Variants in GPR176 observed in about 807,000 individuals in gnomAD.
The protein encoded by GPR176 is G protein-coupled receptor 176.
In GPR176, 26 loss-of-function variants were observed where a neutral mutation model predicts 35.4. That is an observed-to-expected ratio of 0.74 (90% confidence interval 0.54 to 1.02). The LOEUF (loss-of-function observed/expected upper bound fraction) is 1.02, where lower values mean the gene tolerates loss of function less well. GPR176 is among the 50% of genes least tolerant of loss of function. The pLI, the probability that GPR176 is intolerant of heterozygous loss-of-function variation, is 0.00. For missense variants in GPR176, 597 were observed against 665.3 expected (o/e 0.90, Z 1.13); for synonymous variants, 278 against 271.3 (o/e 1.02, Z -0.24).
chr15:39,914,309 C>CTTT (rs5812146), intron 1 of GPR176, among the ~76,000 whole-genome samples: 6 of 71,154 alleles, frequency 8.4e-5, no homozygotes, highest in Admixed American at 1.8e-4. Flanking sequence ...ATATCTTATT[C>CTTT]TTTTTTTTTT....
chr15:39,833,493 G>A (rs1369806346), intron 1 of GPR176, among the ~76,000 whole-genome samples: 1 of 152,126 alleles, frequency 6.6e-6, no homozygotes, highest in Non-Finnish European at 1.5e-5. Context: ...TTAGGGCTGA[G>A]GGCGAAGGGA....
Position 39,881,387 on chromosome 15 carries a change from T to C in GPR176, c.172+38468A>G, listed in dbSNP as rs2032469203. Among the ~76,000 whole-genome samples the C allele has an allele frequency of 2.6e-5, 4 of 152,368 alleles. No homozygotes were observed. The South Asian group carries it at 8.3e-4, about 32-fold the overall frequency. ...TTAAAAGGCATGACTGTCTACCTAC[T>C]ACCTACTATGTCACTAAAGGACCTA... On this transcript the variant is annotated intron_variant, in intron 1 of 2. Coordinates refer to ENST00000561100, the MANE Select transcript of GPR176 (RefSeq NM_007223.3).
At chr15:39,893,104 TTAAA>T (rs1177962627) in intron 1 of GPR176, among the ~76,000 whole-genome samples, 1 of 151,994 alleles carries the variant, frequency 6.6e-6, no homozygotes, top group Non-Finnish European at 1.5e-5. Context: ...TCTTTTTTTT[TTAAA>T]TTTATTTATT....
chr15:39,801,326 G>T lies in GPR176; in HGVS notation c.1354C>A (p.Gln452Lys). 1 of 1,614,088 alleles carries T rather than the reference G, an allele frequency of 6.2e-7. No homozygotes were observed. The highest frequency in any genetic ancestry group is 8.5e-7 in the Non-Finnish European group (1 of 1,179,940). ...AACTCAAAAGGCCCAAAGCCAAACTGCAGGGAATACTTATCAGGGAATGTT... is the reference window on the plus strand; with the variant it reads ...AACTCAAAAGGCCCAAAGCCAAACTTCAGGGAATACTTATCAGGGAATGTT... The part of the protein sequence containing the change: ...PETFPDKYSL[Q>K]FGFGPFELPP... The change falls in exon 3 of 3, where the codon CAG (glutamine) becomes AAG (lysine). Residue 452 changes from glutamine to lysine, a missense_variant. Transcript: ENST00000561100.
intron 1 of GPR176, among the ~76,000 whole-genome samples, chr15:39,910,557 C>T (rs765173649): frequency 2.0e-5 from 3 of 149,410 alleles, no homozygotes; most frequent in Non-Finnish European, 4.4e-5. Flanking sequence ...AACCGCATCT[C>T]AAAAAGAAAA....
intron 2 of GPR176, among the ~76,000 whole-genome samples, chr15:39,806,389 T>A (rs1320471436): frequency 2.0e-5 from 3 of 152,236 alleles, no homozygotes; most frequent in African/African-American, 7.2e-5. Flanking sequence ...GATTATGAGA[T>A]CTTTATGCAA....
At chr15:39,896,346 G>C (rs2033113092) in intron 1 of GPR176, among the ~76,000 whole-genome samples, 1 of 152,186 alleles carries the variant, frequency 6.6e-6, no homozygotes, top group East Asian at 1.9e-4. Context: ...CCTGTGCTGG[G>C]ATTAAAGGTG....
intron 1 of GPR176, among the ~76,000 whole-genome samples, chr15:39,868,558 A>C (rs550697282): frequency 2.4e-4 from 36 of 152,318 alleles, no homozygotes; most frequent in Non-Finnish European, 3.7e-4. Context: ...CAAAGAGGTC[A>C]CTCAAAGACA....
intron 1 of GPR176, among the ~76,000 whole-genome samples, chr15:39,897,223 C>T (rs1206355735): frequency 6.6e-6 from 1 of 152,200 alleles, no homozygotes; most frequent in Non-Finnish European, 1.5e-5. Context: ...CTTAATGAAG[C>T]TGGCAATTCT....
At position 39,801,080 on chromosome 15, in the gene GPR176, T is replaced by A. The variant is rs966373350; in HGVS notation, c.*52A>T. 1.4e-6 allele frequency: 2 copies of A among 1,450,660 alleles called. No homozygotes were observed. The highest frequency in any genetic ancestry group is 9.4e-7 in the Non-Finnish European group (1 of 1,062,158). 89.9% of individuals were successfully genotyped at this position (1,450,660 alleles called of 1,614,324 possible). The stretch of plus-strand genomic sequence containing the variant: ...TCACATGGCCACAGCATTCCCACAC[T>A]CTGGTGGGAATATGGAAGCTCCCCG... On this transcript the variant is annotated 3_prime_UTR_variant, in exon 3 of 3. Coordinates refer to ENST00000561100, the MANE Select transcript of GPR176 (RefSeq NM_007223.3).
intron 1 of GPR176, among the ~76,000 whole-genome samples, chr15:39,903,288 T>C (rs1303890102): frequency 6.6e-6 from 1 of 152,214 alleles, no homozygotes; most frequent in Non-Finnish European, 1.5e-5. Context: ...GAACTTTGTT[T>C]GGAGAAGGCA....
chr15:39,839,483 T>C (rs1387851824), intron 1 of GPR176, among the ~76,000 whole-genome samples: 1 of 152,206 alleles, frequency 6.6e-6, no homozygotes, highest in Non-Finnish European at 1.5e-5. Flanking sequence ...TAATTCAAGA[T>C]GGATTAAAGG....
chr15:39,834,329 C>CCAATAA (rs1232793701), intron 1 of GPR176, among the ~76,000 whole-genome samples: 2 of 152,034 alleles, frequency 1.3e-5, no homozygotes, highest in Non-Finnish European at 2.9e-5. Flanking sequence ...GAGAAAGAAG[C>CCAATAA]CAATCAATTA....
chr15:39,828,947 T>C, intron 1 of GPR176: 1 of 626,466 alleles, frequency 1.6e-6, no homozygotes, highest in South Asian at 1.7e-5. Context: ...AGAATGATAC[T>C]ACTAGCCAGA....
At chr15:39,904,949 G>A (rs529686801) in intron 1 of GPR176, among the ~76,000 whole-genome samples, 3 of 152,196 alleles carry the variant, frequency 2.0e-5, no homozygotes, top group African/African-American at 4.8e-5. Flanking sequence ...CAACAGCCCA[G>A]AGTATGAAGC....
At chr15:39,918,974 G>A (rs148527115) in intron 1 of GPR176, among the ~76,000 whole-genome samples, 2 of 152,320 alleles carry the variant, frequency 1.3e-5, no homozygotes, top group South Asian at 2.1e-4. Context: ...CGGGGACACA[G>A]GAAAGGAAGC....
intron 1 of GPR176, among the ~76,000 whole-genome samples, chr15:39,808,436 G>A (rs938671343): frequency 3.3e-5 from 5 of 152,096 alleles, no homozygotes; most frequent in Non-Finnish European, 5.9e-5. Flanking sequence ...TACTGCTTGG[G>A]ATGTTGTTCA....
chr15:39,876,042 A>G (rs1344792317), intron 1 of GPR176, among the ~76,000 whole-genome samples: 1 of 151,510 alleles, frequency 6.6e-6, no homozygotes, highest in Non-Finnish European at 1.5e-5. Context: ...TCCCAGCTAT[A>G]CAGGAGGCTG....
rs1566949816 is a variant in GPR176, at chr15:39,847,762, A to AAAG, written c.173-40507_173-40505dup. 3.1e-4 allele frequency among the ~76,000 whole-genome samples: 47 copies of AAAG among 150,562 alleles called. 2 individuals carry two copies. The highest frequency in any genetic ancestry group is 3.9e-4 in the Non-Finnish European group (26 of 67,504). On this transcript the variant is annotated intron_variant, in intron 1 of 2. Coordinates refer to ENST00000561100, the MANE Select transcript of GPR176 (RefSeq NM_007223.3). ...TGTCTCAAAAAAAAAAAAAAAAAAA[A>AAAG]AAGAAGTCATGGTTATCTTAATATC...
Sources: allele counts gnomAD v4.1 joint callset (sites outside exome capture counted in the v4.1 genomes callset), GRCh38; gene constraint gnomAD v4.1.1; transcripts MANE v1.5; gene names NCBI Gene and HGNC (gene_info 2026-07-23, HGNC 2026-07-21).